The following PGBD2 variants were observed in gnomAD, a reference collection of about 807,000 sequenced individuals.
The protein encoded by PGBD2 is piggyBac transposable element derived 2.
In PGBD2, 6 loss-of-function variants were observed where a neutral mutation model predicts 8.1. That is an observed-to-expected ratio of 0.74 (90% confidence interval 0.40 to 1.46). PGBD2 has a LOEUF of 1.46. Among genes scored for constraint, PGBD2 ranks in the 40% most tolerant of loss-of-function variants. The pLI is 0.02. For missense variants in PGBD2, 802 were observed against 739.0 expected (o/e 1.09, Z -0.99); for synonymous variants, 318 against 272.2 (o/e 1.17, Z -1.66).
the PGBD2 span, among the ~76,000 whole-genome samples, chr1:248,876,923 T>C: frequency 6.6e-6 from 1 of 152,238 alleles, no homozygotes; most frequent in Non-Finnish European, 1.5e-5. Context: ...ATAATCTCTG[T>C]CATTTTGTAT....
chr1:248,892,981 C>A, the PGBD2 span, among the ~76,000 whole-genome samples: 18 of 152,216 alleles, frequency 1.2e-4, no homozygotes, highest in Non-Finnish European at 1.5e-4. Context: ...ACTGTCTATA[C>A]AACTGCACAG....
At chr1:248,922,479 A>C (rs915613272), downstream of PGBD2, among the ~76,000 whole-genome samples, 2 of 152,186 alleles carry the variant, frequency 1.3e-5, no homozygotes, top group African/African-American at 2.4e-5. Flanking sequence ...CCTGGCCAGA[A>C]CTTCCAATAC....
chr1:248,914,146 A>G (rs557161409), intron 2 of PGBD2, among the ~76,000 whole-genome samples: 27 of 152,356 alleles, frequency 1.8e-4, no homozygotes, highest in Non-Finnish European at 3.5e-4. Context: ...TTCAAGATAA[A>G]GACACCAGAT....
chr1:248,893,562 T>C, the PGBD2 span, among the ~76,000 whole-genome samples: 1 of 152,236 alleles, frequency 6.6e-6, no homozygotes, highest in Non-Finnish European at 1.5e-5. Flanking sequence ...TCCTTCTTTT[T>C]AAAAGGCTGA....
chr1:248,895,245 G>A, the PGBD2 span, among the ~76,000 whole-genome samples: 1 of 152,182 alleles, frequency 6.6e-6, no homozygotes, highest in Non-Finnish European at 1.5e-5. Flanking sequence ...TGTGGCCACA[G>A]TCTGGTTTTC....
chr1:248,903,266 A>G (rs1661564975), upstream of PGBD2, among the ~76,000 whole-genome samples: 1 of 152,104 alleles, frequency 6.6e-6, no homozygotes, highest in African/African-American at 2.4e-5. Flanking sequence ...TGGCATGATC[A>G]TAGCTCATTG....
At chr1:248,902,282 A>AC (rs1193902513), upstream of PGBD2, among the ~76,000 whole-genome samples, 1 of 151,988 alleles carries the variant, frequency 6.6e-6, no homozygotes, top group African/African-American at 2.4e-5. Flanking sequence ...AAAAAAAAAA[A>AC]ACCTATAATG....
chr1:248,901,133 G>A, the PGBD2 span, among the ~76,000 whole-genome samples: 3 of 152,154 alleles, frequency 2.0e-5, no homozygotes, highest in African/African-American at 7.2e-5. Context: ...TCAGGGATAG[G>A]AAGAATCAAT....
At chr1:248,913,686 T>C (rs1414469334) in intron 1 of PGBD2, 130 bp from the exon 2 acceptor site, 15 of 632,274 alleles carry the variant, frequency 2.4e-5, no homozygotes, top group Admixed American at 1.1e-4. Context: ...GAATAACCAG[T>C]CGACCCAGAC....
the PGBD2 span, among the ~76,000 whole-genome samples, chr1:248,873,772 G>A: frequency 5.3e-5 from 8 of 152,192 alleles, no homozygotes; most frequent in African/African-American, 1.7e-4. Context: ...GGGTTCCCAC[G>A]GCCGCAACTC....
At chr1:248,875,308 C>CAAAGAAAAAAAAAA in the PGBD2 span, among the ~76,000 whole-genome samples, 1 of 110,254 alleles carries the variant, frequency 9.1e-6, no homozygotes, top group African/African-American at 3.3e-5. Flanking sequence ...AAAAACAAAA[C>CAAAGAAAAAAAAAA]AAAAAAAAAA....
At chr1:248,929,000 T>C in the PGBD2 span, among the ~76,000 whole-genome samples, 5 of 152,230 alleles carry the variant, frequency 3.3e-5, no homozygotes, top group Non-Finnish European at 7.3e-5. Flanking sequence ...ACCAAACCTG[T>C]TTGTGAGATC....
chr1:248,894,945 A>G, the PGBD2 span, among the ~76,000 whole-genome samples: 1 of 151,990 alleles, frequency 6.6e-6, no homozygotes, highest in Non-Finnish European at 1.5e-5. Context: ...CCAGGTGTGT[A>G]TGGCCTGCAT....
At chr1:248,908,711 G>C (rs1481557764) in intron 1 of PGBD2, among the ~76,000 whole-genome samples, 2 of 148,356 alleles carry the variant, frequency 1.3e-5, no homozygotes, top group Non-Finnish European at 3.0e-5. Context: ...ACTTCCCATA[G>C]CTCTTATAAA....
the PGBD2 span, among the ~76,000 whole-genome samples, chr1:248,885,107 T>G: frequency 1.3e-5 from 2 of 152,120 alleles, no homozygotes; most frequent in Non-Finnish European, 1.5e-5. Context: ...AGGGGTCTCT[T>G]CTGTCATTGG....
intron 1 of PGBD2, among the ~76,000 whole-genome samples, chr1:248,910,800 T>C (rs1195819357): frequency 6.6e-6 from 1 of 152,082 alleles, no homozygotes; most frequent in Non-Finnish European, 1.5e-5. Context: ...AATCAGGTGA[T>C]GAGCTTTTCT....
chr1:248,909,868 G>A (rs1661804142), intron 1 of PGBD2, among the ~76,000 whole-genome samples: 1 of 152,202 alleles, frequency 6.6e-6, no homozygotes, highest in South Asian at 2.1e-4. Context: ...TGAACCTAGA[G>A]GCAGAACTGG....
the PGBD2 span, among the ~76,000 whole-genome samples, chr1:248,897,741 G>A: frequency 6.6e-6 from 1 of 152,164 alleles, no homozygotes; most frequent in Non-Finnish European, 1.5e-5. Context: ...CTTTCAGTGG[G>A]CTCCACTCCC....
chr1:248,928,398 G>GGAC, the PGBD2 span, among the ~76,000 whole-genome samples: 1 of 152,154 alleles, frequency 6.6e-6, no homozygotes, highest in South Asian at 2.1e-4. Context: ...TGCTGTGAAT[G>GGAC]ATTGTATTGG....
Sources: allele counts gnomAD v4.1 joint callset (sites outside exome capture counted in the v4.1 genomes callset), GRCh38; gene constraint gnomAD v4.1.1; transcripts MANE v1.5; gene names NCBI Gene and HGNC (gene_info 2026-07-23, HGNC 2026-07-21).